The following KCTD8 variants were observed in gnomAD, a reference collection of about 807,000 sequenced individuals.
KCTD8 encodes the protein potassium channel tetramerization domain containing 8, also known as BTB/POZ domain-containing protein KCTD8.
KCTD8 carries 27 observed loss-of-function variants against 31.5 expected under a neutral mutation model. That is an observed-to-expected ratio of 0.86 (90% CI 0.63 to 1.18). The LOEUF (loss-of-function observed/expected upper bound fraction) is 1.18, where lower values mean the gene tolerates loss of function less well. Ranked by LOEUF, KCTD8 falls within the 50% of genes most tolerant of loss-of-function variation. The probability of loss-of-function intolerance (pLI) is 0.00; values close to 1 mark genes in which losing one functional copy is unlikely to be tolerated. For synonymous variants in KCTD8, 290 were observed against 280.0 expected, an observed-to-expected ratio of 1.04 and a Z score of -0.36; for missense variants, 658 against 647.7, an observed-to-expected ratio of 1.02 and a Z score of -0.17.
At chr4:44,347,038 T>C (rs953686729) in intron 1 of KCTD8, among the ~76,000 whole-genome samples, 4 of 152,176 alleles carry the variant, frequency 2.6e-5, no homozygotes, top group Non-Finnish European at 4.4e-5. Context: ...AATGATACTA[T>C]GGCCCACAAC....
intron 1 of KCTD8, among the ~76,000 whole-genome samples, chr4:44,192,771 A>ACCCACAAT (rs1560390930): frequency 6.6e-6 from 1 of 152,090 alleles, no homozygotes. Context: ...AGGTACACCC[A>ACCCACAAT]CCCACAATCC....
chr4:44,249,486 T>C (rs1715763863), intron 1 of KCTD8, among the ~76,000 whole-genome samples: 1 of 151,798 alleles, frequency 6.6e-6, no homozygotes, highest in South Asian at 2.1e-4. Context: ...AATTTAGAAT[T>C]TTCAGGCCAT....
chr4:44,331,117 T>A (rs183865910), intron 1 of KCTD8, among the ~76,000 whole-genome samples: 1 of 152,060 alleles, frequency 6.6e-6, no homozygotes, highest in East Asian at 1.9e-4. Flanking sequence ...TGGCTTCACA[T>A]GCTTTCTAAA....
chr4:44,401,084 C>T (rs1473452922), intron 1 of KCTD8, among the ~76,000 whole-genome samples: 1 of 146,634 alleles, frequency 6.8e-6, no homozygotes, highest in Non-Finnish European at 1.5e-5. Flanking sequence ...AACTCCTGAC[C>T]TCAAGTGATC....
At position 44,448,446 on chromosome 4, in the gene KCTD8, G is replaced by A. The variant is rs1363668909; in HGVS notation, c.78C>T (p.Pro26=). The A allele has an allele frequency of 4.5e-6, 7 of 1,548,784 alleles. No homozygotes were observed. In the African/African-American group the frequency reaches 5.6e-5, roughly 12 times the overall value. ...ISEMVSSSSS[P]GASAAAAPGP... ...CCGGGGCGGCGGCGGCCGACGCGCC[G>A]GGCGAGCTGGACGAGGAAACCATCT... The change falls in exon 1 of 2, where the codon CCC becomes CCT. Residue 26 remains proline, a synonymous_variant. Transcript: ENST00000360029. This position sits in a 1 kb window ranked among gnomAD's most constrained non-coding sequence, Gnocchi z 4.1.
In KCTD8 at chr4:44,175,234, T is replaced by C. The variant is rs769131860; in HGVS notation, c.978A>G (p.Ile326Met). 10 of 1,559,314 alleles carry C rather than the reference T, an allele frequency of 6.4e-6. No individual in the cohort carries two copies. The highest frequency in any genetic ancestry group is 2.3e-5 in the East Asian group (1 of 44,226). Reference sequence around the variant, plus strand: ...CTTCATGTTCTTGTTTAGGTGATACTATTTTCTGAGGTGGTCCTAAAAAGG... The same window carrying C: ...CTTCATGTTCTTGTTTAGGTGATACCATTTTCTGAGGTGGTCCTAAAAAGG... ...EYIFFRPPQK[I>M]VSPKQEHEDR... The change falls in exon 2 of 2, where the codon ATA becomes ATG. Residue 326 changes from isoleucine (I) to methionine (M), a missense_variant. Ile to Met is a conservative substitution (Grantham distance 10). Coordinates refer to ENST00000360029, the MANE Select transcript of KCTD8 (RefSeq NM_198353.3).
intron 1 of KCTD8, among the ~76,000 whole-genome samples, chr4:44,230,556 G>C (rs1339718487): frequency 6.6e-6 from 1 of 152,126 alleles, no homozygotes; most frequent in Non-Finnish European, 1.5e-5. Flanking sequence ...GTGACAAGTA[G>C]TATTATTTAC....
rs1720957052 is a variant in KCTD8 at position 44,411,539 on chromosome 4, CA to C, written c.961+36023del. ...TGAATGTATGTTTTTTATGTTTTTT[CA>C]AATGTGATACACATGGTGTTATGGG... On this transcript the variant is annotated intron_variant, in intron 1 of 1. Coordinates refer to ENST00000360029, the MANE Select transcript of KCTD8 (RefSeq NM_198353.3). Among the ~76,000 whole-genome samples, 3 of 151,790 alleles carry C rather than the reference CA, an allele frequency of 2.0e-5. No homozygotes were observed. The South Asian group carries it at 6.2e-4, about 31-fold the overall frequency.
chr4:44,316,683 G>C (rs1007363845), intron 1 of KCTD8, among the ~76,000 whole-genome samples: 12 of 150,154 alleles, frequency 8.0e-5, no homozygotes, highest in African/African-American at 2.7e-4. Context: ...GGGCGTGGTG[G>C]CTCATGCCTG....
At chr4:44,380,967 T>C (rs1037686736) in intron 1 of KCTD8, among the ~76,000 whole-genome samples, 8 of 152,058 alleles carry the variant, frequency 5.3e-5, no homozygotes, top group Non-Finnish European at 1.0e-4. Flanking sequence ...TTCTACCATT[T>C]ATTATAATTA....
chr4:44,348,151 A>C (rs1471525868), intron 1 of KCTD8, among the ~76,000 whole-genome samples: 1 of 152,206 alleles, frequency 6.6e-6, no homozygotes, highest in Non-Finnish European at 1.5e-5. Context: ...ACAAAAAAGA[A>C]CATGCAACTT....
chr4:44,322,070 G>A (rs547703171), intron 1 of KCTD8, among the ~76,000 whole-genome samples: 51 of 152,016 alleles, frequency 3.4e-4, no homozygotes, highest in African/African-American at 1.2e-3. Context: ...ATGAGAGTGT[G>A]GATGTCTCTT....
chr4:44,446,850 A>T (rs941661684), intron 1 of KCTD8, among the ~76,000 whole-genome samples: 18 of 152,056 alleles, frequency 1.2e-4, no homozygotes, highest in Admixed American at 1.2e-3. Context: ...AGACATGCAA[A>T]CTTTCTAATT....
At chr4:44,378,245 A>C (rs1719968093) in intron 1 of KCTD8, among the ~76,000 whole-genome samples, 1 of 147,450 alleles carries the variant, frequency 6.8e-6, no homozygotes, top group Admixed American at 6.8e-5. Context: ...ATAAATATAT[A>C]TATATATATA....
At chr4:44,357,479 CA>C (rs954389541) in intron 1 of KCTD8, among the ~76,000 whole-genome samples, 1 of 151,878 alleles carries the variant, frequency 6.6e-6, no homozygotes, top group African/African-American at 2.4e-5. Flanking sequence ...AACAAAAGAC[CA>C]AAAATCTAAA....
intron 1 of KCTD8, among the ~76,000 whole-genome samples, chr4:44,198,324 C>T (rs1714011268): frequency 1.3e-5 from 2 of 152,056 alleles, no homozygotes; most frequent in Admixed American, 1.3e-4. Context: ...AGATACTATA[C>T]AAGGTGACCA....
At chr4:44,377,056 T>C (rs1446859872) in intron 1 of KCTD8, among the ~76,000 whole-genome samples, 2 of 152,118 alleles carry the variant, frequency 1.3e-5, no homozygotes, top group Non-Finnish European at 2.9e-5. Flanking sequence ...ATTTAAAAGG[T>C]ATAAATCAAA....
chr4:44,188,339 C>T (rs1453671718), intron 1 of KCTD8, among the ~76,000 whole-genome samples: 1 of 152,108 alleles, frequency 6.6e-6, no homozygotes, highest in Non-Finnish European at 1.5e-5. Flanking sequence ...TTTCATAGTA[C>T]AATAAAAAAG....
chr4:44,317,219 G>C (rs1718155872), intron 1 of KCTD8, among the ~76,000 whole-genome samples: 1 of 106,978 alleles, frequency 9.3e-6, no homozygotes, highest in Non-Finnish European at 1.9e-5. Flanking sequence ...TATTGCCTAT[G>C]GGTGCTTTCT....
Sources: allele counts gnomAD v4.1 joint callset (sites outside exome capture counted in the v4.1 genomes callset), GRCh38; gene constraint gnomAD v4.1.1; non-coding constraint Gnocchi (gnomAD v3.1); transcripts MANE v1.5; gene names NCBI Gene and HGNC (gene_info 2026-07-23, HGNC 2026-07-21).